The following MDFIC2 variants were observed in gnomAD, a reference collection of about 807,000 sequenced individuals.
MDFIC2 encodes MyoD family inhibitor domain containing 2, also known as myoD family inhibitor domain-containing protein 2.
chr3:70,214,847 A>T (rs898263206), intron 2 of MDFIC2, among the ~76,000 whole-genome samples: 2 of 152,066 alleles, frequency 1.3e-5, no homozygotes, highest in African/African-American at 4.8e-5. Context: ...TAATGTTTGT[A>T]AAAAGTGTCT....
chr3:70,222,125 C>T (rs1182623293), intron 2 of MDFIC2, among the ~76,000 whole-genome samples: 1 of 152,146 alleles, frequency 6.6e-6, no homozygotes, highest in Non-Finnish European at 1.5e-5. Flanking sequence ...TGTTCCACAG[C>T]TTCTCCCTGT....
intron 2 of MDFIC2, among the ~76,000 whole-genome samples, chr3:70,257,337 A>G (rs919327317): frequency 2.6e-5 from 4 of 152,114 alleles, no homozygotes; most frequent in African/African-American, 4.8e-5. Flanking sequence ...CCCTTTTTGG[A>G]TCATGGGTTT....
At chr3:70,294,395 G>A (rs1702269950) in intron 2 of MDFIC2, among the ~76,000 whole-genome samples, 1 of 152,060 alleles carries the variant, frequency 6.6e-6, no homozygotes, top group South Asian at 2.1e-4. Flanking sequence ...ATTCACTGCT[G>A]ACAGACACTA....
chr3:70,229,899 A>G (rs1701542400), intron 2 of MDFIC2, among the ~76,000 whole-genome samples: 1 of 152,216 alleles, frequency 6.6e-6, no homozygotes, highest in Non-Finnish European at 1.5e-5. Flanking sequence ...TACAACTTAT[A>G]TGTGAATTAA....
intron 2 of MDFIC2, among the ~76,000 whole-genome samples, chr3:70,253,214 T>G (rs889164504): frequency 1.3e-5 from 2 of 152,220 alleles, no homozygotes; most frequent in African/African-American, 4.8e-5. Flanking sequence ...GGGTCAGTCC[T>G]TACTGAGAAG....
intron 2 of MDFIC2, among the ~76,000 whole-genome samples, chr3:70,280,764 C>G (rs565451929): frequency 6.6e-6 from 1 of 152,060 alleles, no homozygotes; most frequent in Non-Finnish European, 1.5e-5. Flanking sequence ...GTGTAAAACC[C>G]GGCCATAGAG....
intron 2 of MDFIC2, among the ~76,000 whole-genome samples, chr3:70,219,741 CAG>C (rs1701445467): frequency 6.6e-6 from 1 of 152,056 alleles, no homozygotes; most frequent in Non-Finnish European, 1.5e-5. Context: ...ATTAGTAACA[CAG>C]AGATTAAGAG....
At chr3:70,284,271 C>G (rs987226913) in intron 2 of MDFIC2, among the ~76,000 whole-genome samples, 4 of 152,088 alleles carry the variant, frequency 2.6e-5, no homozygotes, top group Admixed American at 2.6e-4. Flanking sequence ...CTTGCTAATC[C>G]CTACGATTTA....
At chr3:70,271,717 A>C (rs1701976816) in intron 2 of MDFIC2, 1 of 152,222 alleles carries the variant, frequency 6.6e-6, no homozygotes, top group Non-Finnish European at 1.5e-5. Context: ...ATGAAATTGT[A>C]GCCCTAAATC....
At chr3:70,290,663 C>T (rs1474251569) in intron 2 of MDFIC2, among the ~76,000 whole-genome samples, 4 of 152,182 alleles carry the variant, frequency 2.6e-5, no homozygotes, top group East Asian at 3.9e-4. Flanking sequence ...CCTAGCCTCG[C>T]TGCCGCCTTG....
rs1025802017 is a variant in MDFIC2 at position 70,194,791 on chromosome 3, T to C, written c.*2135A>G. On this transcript the variant is annotated 3_prime_UTR_variant, in exon 4 of 4. Transcript: ENST00000567252. ...ATAATTGAAATATTTAACACCAATA[T>C]GGCATGGCCTCACCAATGATACCAG... Among the ~76,000 whole-genome samples the C allele has an allele frequency of 6.6e-6, 1 of 152,160 alleles. No homozygotes were observed. The highest frequency in any genetic ancestry group is 2.4e-5 in the African/African-American group (1 of 41,444).
At chr3:70,219,205 T>A (rs1445504989) in intron 2 of MDFIC2, among the ~76,000 whole-genome samples, 1 of 152,180 alleles carries the variant, frequency 6.6e-6, no homozygotes, top group Non-Finnish European at 1.5e-5. Flanking sequence ...TGCTCACATC[T>A]GCAAATTTGG....
At chr3:70,204,863 C>G (rs1056546000) in intron 3 of MDFIC2, 1 of 152,058 alleles carries the variant, frequency 6.6e-6, no homozygotes, top group African/African-American at 2.4e-5. Flanking sequence ...TGGCAATTCC[C>G]AGTTCTGGGA....
chr3:70,203,696 TA>T (rs1264018808), intron 3 of MDFIC2, among the ~76,000 whole-genome samples: 1 of 152,164 alleles, frequency 6.6e-6, no homozygotes, highest in East Asian at 1.9e-4. Context: ...ATGGTGTAAT[TA>T]AGACTATTCT....
At chr3:70,221,609 T>C (rs1576160297) in intron 2 of MDFIC2, among the ~76,000 whole-genome samples, 1 of 152,132 alleles carries the variant, frequency 6.6e-6, no homozygotes, top group East Asian at 1.9e-4. Context: ...AGGCATTCCT[T>C]CTGTGCTGTC....
intron 2 of MDFIC2, among the ~76,000 whole-genome samples, chr3:70,266,588 G>T (rs1349455424): frequency 6.6e-6 from 1 of 151,528 alleles, no homozygotes; most frequent in Non-Finnish European, 1.5e-5. Context: ...CCACACAAGG[G>T]TGAATTTTTT....
chr3:70,265,083 G>A (rs1034411692), intron 2 of MDFIC2, among the ~76,000 whole-genome samples: 8 of 152,098 alleles, frequency 5.3e-5, no homozygotes, highest in Non-Finnish European at 1.2e-4. Flanking sequence ...GGAAAGACCT[G>A]CCCCCATGAT....
chr3:70,251,234 A>G (rs1175879047), intron 2 of MDFIC2, among the ~76,000 whole-genome samples: 6 of 152,198 alleles, frequency 3.9e-5, no homozygotes, highest in Non-Finnish European at 8.8e-5. Context: ...CAGAATTTTG[A>G]GATGCCAATG....
intron 2 of MDFIC2, among the ~76,000 whole-genome samples, chr3:70,267,736 G>T (rs541630326): frequency 6.6e-6 from 1 of 152,072 alleles, no homozygotes; most frequent in African/African-American, 2.4e-5. Context: ...TTTTTTAATG[G>T]CAGCTTCACA....
Sources: gnomAD v4.1 joint callset for allele counts (sites outside exome capture counted in the v4.1 genomes callset) on GRCh38, gnomAD v4.1.1 for gene constraint, MANE v1.5 for transcripts, NCBI Gene and HGNC (gene_info 2026-07-23, HGNC 2026-07-21) for gene names.